MBNL2: variants seen among roughly 807,000 people sequenced by gnomAD.
MBNL2 encodes muscleblind like splicing regulator 2.
In MBNL2, 17 loss-of-function variants were observed where a neutral mutation model predicts 41.9. That is an observed-to-expected ratio of 0.41 (90% CI 0.28 to 0.61). The LOEUF (loss-of-function observed/expected upper bound fraction) is 0.61. Ranked by LOEUF, MBNL2 falls within the 20% of genes least tolerant of loss-of-function variation. MBNL2 has a pLI of 0.35. For missense variants in MBNL2, 336 were observed against 505.6 expected, an observed-to-expected ratio of 0.66 and a Z score of 3.22; for synonymous variants, 195 against 182.9, an observed-to-expected ratio of 1.07 and a Z score of -0.53.
chr13:97,194,899 CT>C, the MBNL2 span, among the ~76,000 whole-genome samples: 1 of 152,198 alleles, frequency 6.6e-6, no homozygotes, highest in South Asian at 2.1e-4. Flanking sequence ...AATCCCTGCT[CT>C]TTTCCCAGAA....
intron 1 of MBNL2, among the ~76,000 whole-genome samples, chr13:97,270,082 G>A (rs9582121): frequency 0.056 from 8,534 of 152,246 alleles, 643 homozygotes; most frequent in African/African-American, 0.17. Flanking sequence ...CCAAGGTTAT[G>A]TGACGAGATA....
chr13:97,366,488 A>G lies in MBNL2; in HGVS notation c.1048+1317A>G. On this transcript the variant is annotated intron_variant, in intron 8 of 8. Transcript: ENST00000679496. This position sits in a 1 kb window ranked among gnomAD's most constrained non-coding sequence, Gnocchi z 4.7. Reference sequence around the variant, plus strand: ...CATGATGCACAGCGCTACGTCCGCCACTGTCTCTGCAGCAACAACTCCTGC... The same window carrying G: ...CATGATGCACAGCGCTACGTCCGCCGCTGTCTCTGCAGCAACAACTCCTGC... 1 of 1,611,654 alleles carries G rather than the reference A, an allele frequency of 6.2e-7. No individual in the cohort carries two copies. Among genetic ancestry groups the G allele is most frequent in the Non-Finnish European group, 8.5e-7 (1 of 1,177,842 alleles).
chr13:97,281,354 G>A (rs886665970), intron 2 of MBNL2, among the ~76,000 whole-genome samples: 2 of 152,200 alleles, frequency 1.3e-5, no homozygotes, highest in African/African-American at 2.4e-5. Context: ...AAATCAGGGA[G>A]TTCTGTGTAG....
At chr13:97,295,768 A>G (rs1280724315) in intron 2 of MBNL2, among the ~76,000 whole-genome samples, 1 of 152,142 alleles carries the variant, frequency 6.6e-6, no homozygotes, top group Admixed American at 6.5e-5. Context: ...AATCTAGTAG[A>G]GTTCTTGGAG....
chr13:97,144,883 G>T, the MBNL2 span, among the ~76,000 whole-genome samples: 2 of 152,190 alleles, frequency 1.3e-5, no homozygotes, highest in South Asian at 4.1e-4. Flanking sequence ...TATTCGGAAG[G>T]ACCCTGACAT....
intron 2 of MBNL2, among the ~76,000 whole-genome samples, chr13:97,290,606 G>A (rs2055693180): frequency 6.6e-6 from 1 of 150,570 alleles, no homozygotes; most frequent in Non-Finnish European, 1.5e-5. Flanking sequence ...AACCCGGGAA[G>A]CGGAGCTTGC....
At chr13:97,286,984 G>A (rs1364392681) in intron 2 of MBNL2, among the ~76,000 whole-genome samples, 1 of 152,204 alleles carries the variant, frequency 6.6e-6, no homozygotes, top group Non-Finnish European at 1.5e-5. Context: ...ACTTGCTAGT[G>A]AAGAAATGTA....
intron 1 of MBNL2, among the ~76,000 whole-genome samples, chr13:97,275,152 C>T (rs2051931438): frequency 6.6e-6 from 1 of 152,302 alleles, no homozygotes; most frequent in South Asian, 2.1e-4. Flanking sequence ...ACCTACCCAT[C>T]TCCAAGTCCA....
rs2061917278 is a variant in MBNL2, at chr13:97,346,781, G to A, written c.541-23G>A. On this transcript the variant is annotated intron_variant, in intron 4 of 8. Transcript: ENST00000679496. The surrounding 1 kb of genome is among the most constrained non-coding windows in gnomAD (Gnocchi z 4.2). ...CTGGGCTCAGGCTTGCCTCTGCAGCGCGGCTCTTCTTCCCTGTCTTAGGTA... is the reference window on the plus strand; with the variant it reads ...CTGGGCTCAGGCTTGCCTCTGCAGCACGGCTCTTCTTCCCTGTCTTAGGTA... 1 of 1,610,672 alleles carries A rather than the reference G, an allele frequency of 6.2e-7. No individual in the cohort carries two copies. Among genetic ancestry groups the A allele is most frequent in the Non-Finnish European group, 8.5e-7 (1 of 1,177,902 alleles).
chr13:97,222,870 AATAG>A (rs2041018854), intron 1 of MBNL2, among the ~76,000 whole-genome samples: 1 of 152,222 alleles, frequency 6.6e-6, no homozygotes, highest in South Asian at 2.1e-4. Flanking sequence ...CTAGTTCCCA[AATAG>A]ATAAAGTTTA....
intron 6 of MBNL2, 76 bp downstream of exon 6, chr13:97,356,925 T>G: frequency 1.1e-6 from 1 of 913,378 alleles, no homozygotes; most frequent in East Asian, 5.6e-5. Context: ...ACTTGTAAAA[T>G]ACTGGTTGCA....
chr13:97,254,235 G>A lies in MBNL2; in HGVS notation c.-604-21397G>A, dbSNP rs539473732. Among the ~76,000 whole-genome samples the A allele has an allele frequency of 3.5e-4, 53 of 152,268 alleles. 1 individual carries two copies. Among genetic ancestry groups the A allele is most frequent in the Middle Eastern group, 3.4e-3 (1 of 294 alleles). On this transcript the variant is annotated intron_variant, in intron 1 of 8. Coordinates refer to ENST00000679496, the MANE Select transcript of MBNL2 (RefSeq NM_001382683.1). ...AAAATTTTAACTATTAAATGCTGCTGAGTAAGAAGCATTTAGATATTTAGA... is the reference window on the plus strand; with the variant it reads ...AAAATTTTAACTATTAAATGCTGCTAAGTAAGAAGCATTTAGATATTTAGA...
the MBNL2 span, among the ~76,000 whole-genome samples, chr13:97,170,073 G>A: frequency 6.6e-6 from 1 of 152,024 alleles, no homozygotes; most frequent in Non-Finnish European, 1.5e-5. Context: ...TGGTAATTCT[G>A]GTCATTCTGA....
chr13:97,274,721 C>T (rs1169965827), intron 1 of MBNL2, among the ~76,000 whole-genome samples: 1 of 152,076 alleles, frequency 6.6e-6, no homozygotes, highest in African/African-American at 2.4e-5. Flanking sequence ...ATGCTTGTCC[C>T]AGTAACTGGA....
At chr13:97,184,061 A>G in the MBNL2 span, among the ~76,000 whole-genome samples, 1 of 152,220 alleles carries the variant, frequency 6.6e-6, no homozygotes, top group Admixed American at 6.5e-5. Flanking sequence ...ATTAGAAACT[A>G]TCTGATCCAA....
intron 1 of MBNL2, among the ~76,000 whole-genome samples, chr13:97,271,134 T>G (rs897542719): frequency 5.4e-4 from 82 of 150,946 alleles, no homozygotes; most frequent in African/African-American, 9.7e-4. Flanking sequence ...TTGTTTTTTT[T>G]TTTTGAGACA....
At chr13:97,349,314 G>T (rs753308178) in intron 5 of MBNL2, among the ~76,000 whole-genome samples, 14 of 152,126 alleles carry the variant, frequency 9.2e-5, no homozygotes, top group Non-Finnish European at 2.1e-4. Context: ...ACTTAAGGCT[G>T]ATAAAAAAGG....
At chr13:97,307,643 G>A (rs527734334) in intron 2 of MBNL2, among the ~76,000 whole-genome samples, 5 of 152,156 alleles carry the variant, frequency 3.3e-5, no homozygotes, top group Non-Finnish European at 7.4e-5. Context: ...TATAAACACT[G>A]AAAAATTTAA....
At chr13:97,224,683 T>C (rs1379804074) in intron 1 of MBNL2, among the ~76,000 whole-genome samples, 1 of 149,530 alleles carries the variant, frequency 6.7e-6, no homozygotes, top group Non-Finnish European at 1.5e-5. Context: ...TTGAGCTATT[T>C]AAAGTACAAA....
Sources: allele counts gnomAD v4.1 joint callset (sites outside exome capture counted in the v4.1 genomes callset), GRCh38; gene constraint gnomAD v4.1.1; non-coding constraint Gnocchi (gnomAD v3.1); transcripts MANE v1.5; gene names NCBI Gene and HGNC (gene_info 2026-07-23, HGNC 2026-07-21).